IARS1: variants seen among roughly 807,000 people sequenced by gnomAD.
The protein encoded by IARS1 is isoleucine--tRNA ligase, cytoplasmic.
Under a neutral mutation model 168.2 loss-of-function variants are expected in IARS1, and 124 were observed. That is an observed-to-expected ratio of 0.74 (90% CI 0.64 to 0.86). The LOEUF (loss-of-function observed/expected upper bound fraction) is 0.86. Ranked by LOEUF, IARS1 falls within the 40% of genes least tolerant of loss-of-function variation. IARS1 has a pLI of 0.00. For missense variants in IARS1, 1,452 were observed against 1,515.8 expected, an observed-to-expected ratio of 0.96 and a Z score of 0.70; for synonymous variants, 532 against 529.4, an observed-to-expected ratio of 1.00 and a Z score of -0.07.
At chr9:92,250,903 G>A in intron 22 of IARS1, 69 bp from the exon 23 acceptor site, 1 of 1,489,640 alleles carries the variant, frequency 6.7e-7, no homozygotes, top group Non-Finnish European at 9.1e-7. Context: ...TTTATACTGA[G>A]AAACAACTAA....
At chr9:92,252,101 G>C (rs1193448064) in intron 21 of IARS1, among the ~76,000 whole-genome samples, 3 of 152,194 alleles carry the variant, frequency 2.0e-5, no homozygotes, top group Non-Finnish European at 4.4e-5. Flanking sequence ...TGGCCAGGAT[G>C]TGCACCTGCT....
At chr9:92,221,147 A>C (rs1475148691) in intron 33 of IARS1, among the ~76,000 whole-genome samples, 1 of 152,182 alleles carries the variant, frequency 6.6e-6, no homozygotes, top group South Asian at 2.1e-4. Flanking sequence ...TAAGATAAAA[A>C]AGCCAAAATT....
At chr9:92,236,989 A>C (rs1482940012) in intron 30 of IARS1, among the ~76,000 whole-genome samples, 1 of 152,014 alleles carries the variant, frequency 6.6e-6, no homozygotes, top group African/African-American at 2.4e-5. Context: ...AATTTTGCTG[A>C]ATTTTTGGGT....
chr9:92,282,445 G>A (rs1256346576), intron 6 of IARS1, among the ~76,000 whole-genome samples: 1 of 151,992 alleles, frequency 6.6e-6, no homozygotes, highest in African/African-American at 2.4e-5. Context: ...GGGACTACAG[G>A]TGTGCACCAC....
Position 92,269,986 on chromosome 9 carries a change from G to T in IARS1, c.1206-3C>A. The T allele has an allele frequency of 6.2e-7, 1 of 1,605,766 alleles. No homozygotes were observed. The highest frequency in any genetic ancestry group is 1.1e-5 in the South Asian group (1 of 90,888). ...TGTAAATTAGAGGAGTGTCTGATCT[G>T]GGGAAGCAGAAACACACACATAGCT... On this transcript the variant is annotated splice_region_variant and splice_polypyrimidine_tract_variant and intron_variant, in intron 12 of 33. Transcript: ENST00000443024.
intron 33 of IARS1, among the ~76,000 whole-genome samples, chr9:92,212,473 G>A (rs1156971827): frequency 6.6e-6 from 1 of 152,200 alleles, no homozygotes; most frequent in Admixed American, 6.5e-5. Context: ...GAATGGTTCT[G>A]TGAATTGCAG....
At chr9:92,267,634 C>T (rs1832464192) in intron 14 of IARS1, among the ~76,000 whole-genome samples, 1 of 152,226 alleles carries the variant, frequency 6.6e-6, no homozygotes, top group Non-Finnish European at 1.5e-5. Context: ...GCTGCGATTA[C>T]ATGTGGGAGC....
At chr9:92,214,538 C>T (rs1053342623) in intron 33 of IARS1, among the ~76,000 whole-genome samples, 1 of 151,548 alleles carries the variant, frequency 6.6e-6, no homozygotes. Flanking sequence ...GAGTGCCAGA[C>T]AGTGGGCGCA....
At chr9:92,218,957 A>T (rs956510725) in intron 33 of IARS1, among the ~76,000 whole-genome samples, 2 of 152,114 alleles carry the variant, frequency 1.3e-5, no homozygotes, top group South Asian at 2.1e-4. Context: ...GGAGCCCGCA[A>T]CGCCAAGTCA....
intron 30 of IARS1, among the ~76,000 whole-genome samples, chr9:92,240,129 GTCT>G (rs1828154961): frequency 6.6e-6 from 1 of 152,122 alleles, no homozygotes; most frequent in African/African-American, 2.4e-5. Flanking sequence ...ATCTTTGAGA[GTCT>G]TCTTATGCTT....
intron 30 of IARS1, among the ~76,000 whole-genome samples, chr9:92,232,749 G>C (rs1826914445): frequency 2.0e-5 from 3 of 152,156 alleles, no homozygotes; most frequent in Admixed American, 6.5e-5. Context: ...AGGAGTTCAA[G>C]ACCAGACTGG....
chr9:92,241,029 AAC>A, intron 29 of IARS1, 68 bp from the exon 30 acceptor site: 2 of 839,074 alleles, frequency 2.4e-6, no homozygotes, highest in Non-Finnish European at 4.2e-6. Context: ...ACCATCGTGT[AAC>A]ACAGTGACTT....
chr9:92,284,582 C>T (rs980053231), intron 6 of IARS1, among the ~76,000 whole-genome samples: 3 of 152,124 alleles, frequency 2.0e-5, no homozygotes, highest in Non-Finnish European at 4.4e-5. Flanking sequence ...GTCAGGAGTT[C>T]AAGACCAGCC....
Position 92,250,845 on chromosome 9 carries a change from A to G in IARS1, c.2308-11T>C. 1 of 1,593,598 alleles carries G rather than the reference A, an allele frequency of 6.3e-7. No homozygotes were observed. Reference sequence around the variant, plus strand: ...AGGTGTGTAGGGAGCCTGTATGAAGACACAGGACATCATGTCAGTTATATG... The same window carrying G: ...AGGTGTGTAGGGAGCCTGTATGAAGGCACAGGACATCATGTCAGTTATATG... On this transcript the variant is annotated splice_polypyrimidine_tract_variant and intron_variant, in intron 22 of 33. Transcript: ENST00000443024.
chr9:92,284,945 A>G (rs535511741), intron 6 of IARS1, among the ~76,000 whole-genome samples: 8 of 152,358 alleles, frequency 5.3e-5, no homozygotes, highest in African/African-American at 1.9e-4. Context: ...AGAAATCATC[A>G]TACCTGCCTT....
intron 25 of IARS1, 59 bp from the exon 26 acceptor site, chr9:92,247,610 A>G (rs1829410423): frequency 2.0e-6 from 3 of 1,478,016 alleles, no homozygotes; most frequent in South Asian, 2.4e-5. Flanking sequence ...GTTCACACAA[A>G]AATGTAGGTC....
chr9:92,265,142 G>A lies in IARS1; in HGVS notation c.1506-19C>T. ...GTCAACACTAACAAACAGAAAAGTA[G>A]TCATTTCTATTAACTGTAAGCATAA... is the stretch of plus-strand genomic sequence containing the variant. On this transcript the variant is annotated intron_variant, in intron 15 of 33. Coordinates refer to ENST00000443024, the MANE Select transcript of IARS1 (RefSeq NM_002161.6). 1 of 1,596,768 alleles carries A rather than the reference G, an allele frequency of 6.3e-7. No homozygotes were observed. Among genetic ancestry groups the A allele is most frequent in the Non-Finnish European group, 8.5e-7 (1 of 1,170,216 alleles).
At chr9:92,230,694 C>CTATTTTCCAGAA (rs1393187271) in intron 30 of IARS1, among the ~76,000 whole-genome samples, 1 of 152,194 alleles carries the variant, frequency 6.6e-6, no homozygotes, top group Non-Finnish European at 1.5e-5. Flanking sequence ...TACTGCCGAA[C>CTATTTTCCAGAA]TATTTTCCAG....
At chr9:92,234,314 G>A (rs552395166) in intron 30 of IARS1, among the ~76,000 whole-genome samples, 15 of 152,276 alleles carry the variant, frequency 9.9e-5, no homozygotes, top group Admixed American at 8.5e-4. Context: ...CAGATTTAGC[G>A]ATGATTTGTA....
Sources: gnomAD v4.1 joint callset for allele counts (sites outside exome capture counted in the v4.1 genomes callset) on GRCh38, gnomAD v4.1.1 for gene constraint, MANE v1.5 for transcripts, NCBI Gene and HGNC (gene_info 2026-07-23, HGNC 2026-07-21) for gene names.